WWOX: variants seen among roughly 807,000 people sequenced by gnomAD.
WWOX encodes WW domain containing oxidoreductase, also known as WW domain-containing oxidoreductase.
In WWOX, 69 loss-of-function variants were observed where a neutral mutation model predicts 46.2. The observed-to-expected ratio is 1.49, with a 90% CI of 1.23 to 1.82. The LOEUF is 1.82. Ranked by LOEUF, WWOX falls within the 40% of genes most tolerant of loss-of-function variation. The pLI is 0.00. For missense variants in WWOX, 919 were observed against 542.6 expected (o/e 1.69, Z -6.89); for synonymous variants, 359 against 202.6 (o/e 1.77, Z -6.56).
intron 8 of WWOX, among the ~76,000 whole-genome samples, chr16:78,597,833 C>A (rs1435850948): frequency 1.4e-5 from 2 of 146,584 alleles, no homozygotes; most frequent in South Asian, 2.2e-4. Context: ...CTTTTTTTTT[C>A]TTTTTTAAAT....
At chr16:78,889,512 T>C (rs915374320) in intron 8 of WWOX, among the ~76,000 whole-genome samples, 1 of 152,044 alleles carries the variant, frequency 6.6e-6, no homozygotes, top group African/African-American at 2.4e-5. Context: ...TCAAATATAA[T>C]GTATTTTAGT....
intron 5 of WWOX, among the ~76,000 whole-genome samples, chr16:78,315,809 G>A (rs1466117000): frequency 6.6e-6 from 1 of 151,642 alleles, no homozygotes; most frequent in African/African-American, 2.4e-5. Flanking sequence ...GTAGAAATAT[G>A]ATTCCATTAG....
chr16:79,123,384 C>T (rs955831734), intron 8 of WWOX, among the ~76,000 whole-genome samples: 4 of 152,152 alleles, frequency 2.6e-5, no homozygotes, highest in African/African-American at 4.8e-5. Context: ...CAGATACATT[C>T]GTAACTCCCC....
At chr16:78,681,546 CAAAAA>C (rs35341099) in intron 8 of WWOX, among the ~76,000 whole-genome samples, 2 of 141,564 alleles carry the variant, frequency 1.4e-5, no homozygotes, top group African/African-American at 5.3e-5. Context: ...CCTCCATATA[CAAAAA>C]AAAAAAAAGG....
chr16:78,597,014 C>T (rs539493567), intron 8 of WWOX, among the ~76,000 whole-genome samples: 28 of 152,214 alleles, frequency 1.8e-4, no homozygotes, highest in Non-Finnish European at 3.2e-4. Context: ...CTCCAGCATG[C>T]GATCCCCTCC....
chr16:78,749,783 A>C (rs903352073), intron 8 of WWOX, among the ~76,000 whole-genome samples: 2 of 152,196 alleles, frequency 1.3e-5, no homozygotes, highest in Admixed American at 1.3e-4. Context: ...CTGAAATGCA[A>C]CTGTACTTCC....
At chr16:79,157,917 C>T (rs995353683) in intron 8 of WWOX, among the ~76,000 whole-genome samples, 1 of 152,278 alleles carries the variant, frequency 6.6e-6, no homozygotes, top group African/African-American at 2.4e-5. Flanking sequence ...TTTCTGGTAC[C>T]TGGCCCTGGG....
chr16:78,252,027 AAAT>A (rs2037998200), intron 5 of WWOX, among the ~76,000 whole-genome samples: 1 of 152,226 alleles, frequency 6.6e-6, no homozygotes, highest in Non-Finnish European at 1.5e-5. Flanking sequence ...CTTGTAAAGT[AAAT>A]TGCAGGTTAA....
chr16:78,124,376 A>T (rs1345451626), intron 4 of WWOX: 1 of 152,182 alleles, frequency 6.6e-6, no homozygotes, highest in Non-Finnish European at 1.5e-5. Context: ...AATAAATAAG[A>T]TGCTGACAGT....
intron 8 of WWOX, among the ~76,000 whole-genome samples, chr16:78,958,805 G>C (rs2046219010): frequency 6.6e-6 from 1 of 152,212 alleles, no homozygotes; most frequent in African/African-American, 2.4e-5. Flanking sequence ...CATGGTTGGG[G>C]TAGTGGGCAC....
intron 8 of WWOX, among the ~76,000 whole-genome samples, chr16:79,043,136 T>C (rs1040499163): frequency 6.6e-6 from 1 of 152,110 alleles, no homozygotes; most frequent in Non-Finnish European, 1.5e-5. Context: ...GTGCTGACTT[T>C]GCCTACTTGC....
intron 8 of WWOX, among the ~76,000 whole-genome samples, chr16:78,706,680 C>G (rs532183671): frequency 1.3e-5 from 2 of 152,212 alleles, no homozygotes; most frequent in Non-Finnish European, 2.9e-5. Context: ...GCTCTTTCAG[C>G]TGCTCTTTCT....
chr16:78,861,998 T>C (rs1029263199), intron 8 of WWOX, among the ~76,000 whole-genome samples: 2 of 152,080 alleles, frequency 1.3e-5, no homozygotes, highest in African/African-American at 4.8e-5. Flanking sequence ...TAATACTATA[T>C]GTGTGTGTGT....
intron 8 of WWOX, among the ~76,000 whole-genome samples, chr16:78,739,472 G>C (rs150758133): frequency 2.0e-3 from 312 of 152,220 alleles, no homozygotes; most frequent in African/African-American, 7.2e-3. Flanking sequence ...TGTGGAATTG[G>C]GTTGGGTGAC....
chr16:79,088,442 A>G (rs1384648194), intron 8 of WWOX, among the ~76,000 whole-genome samples: 1 of 152,232 alleles, frequency 6.6e-6, no homozygotes, highest in Non-Finnish European at 1.5e-5. Context: ...AGCCGTGGGC[A>G]GCCTGATGAG....
intron 8 of WWOX, among the ~76,000 whole-genome samples, chr16:78,640,417 G>A (rs2142112274): frequency 6.6e-6 from 1 of 152,058 alleles, no homozygotes; most frequent in South Asian, 2.1e-4. Context: ...AGGGCACAGG[G>A]GCAAGGTATA....
chr16:78,434,799 G>A (rs985592990), intron 8 of WWOX, among the ~76,000 whole-genome samples: 2 of 152,134 alleles, frequency 1.3e-5, no homozygotes, highest in Non-Finnish European at 2.9e-5. Flanking sequence ...GCCATTTGTT[G>A]TAGACTCGAA....
intron 8 of WWOX, among the ~76,000 whole-genome samples, chr16:78,715,351 C>T (rs953669051): frequency 2.0e-5 from 3 of 152,164 alleles, no homozygotes; most frequent in Non-Finnish European, 4.4e-5. Flanking sequence ...TCTTCATCCC[C>T]AGCTTTGTGA....
At chr16:78,714,093 G>T (rs1234586011) in intron 8 of WWOX, among the ~76,000 whole-genome samples, 3 of 152,200 alleles carry the variant, frequency 2.0e-5, no homozygotes, top group South Asian at 4.1e-4. Context: ...AAGCTCTCTT[G>T]TGAAGCCCCT....
Sources: gnomAD v4.1 joint callset for allele counts (sites outside exome capture counted in the v4.1 genomes callset) on GRCh38, gnomAD v4.1.1 for gene constraint, MANE v1.5 for transcripts, NCBI Gene and HGNC (gene_info 2026-07-23, HGNC 2026-07-21) for gene names.